Variants in GNL3 observed in about 807,000 individuals in gnomAD.
GNL3 encodes G protein nucleolar 3.
In GNL3, 77 loss-of-function variants were observed where a neutral mutation model predicts 70.6. The observed-to-expected ratio is 1.09, with a 90% CI of 0.91 to 1.32. The LOEUF is 1.32. Ranked by LOEUF, GNL3 falls within the 40% of genes most tolerant of loss-of-function variation. The pLI, the probability that GNL3 is intolerant of heterozygous loss-of-function variation, is 0.00. For synonymous variants in GNL3, 252 were observed against 216.1 expected, an observed-to-expected ratio of 1.17 and a Z score of -1.46; for missense variants, 634 against 644.0, an observed-to-expected ratio of 0.98 and a Z score of 0.17.
chr3:52,693,387 A>C (rs1278285313), intron 11 of GNL3, 21 bp from the exon 12 acceptor site: 1 of 1,613,994 alleles, frequency 6.2e-7, no homozygotes, highest in Non-Finnish European at 8.5e-7. Flanking sequence ...TTCTTTTGAC[A>C]CATCTTATTT....
In GNL3 at chr3:52,692,814, T is replaced by C. The variant is rs759728585; in HGVS notation, c.870-58T>C. 4.5e-6 allele frequency: 6 copies of C among 1,343,690 alleles called. No individual in the cohort carries two copies. The South Asian group carries it at 5.8e-5, about 13-fold the overall frequency. The allele number at this position is 1,343,690 out of a possible 1,614,324, so 83.2% of individuals were successfully genotyped here. ...CAATCCAACCCTGAGCTTCATGTTC[T>C]GTCTCTTAACCTCCAAATAGACCAA... On this transcript the variant is annotated intron_variant, in intron 9 of 14. Coordinates refer to ENST00000418458, the MANE Select transcript of GNL3 (RefSeq NM_014366.5).
At chr3:52,688,234 T>C (rs768492958) in intron 5 of GNL3, 42 bp downstream of exon 5, 2 of 1,154,276 alleles carry the variant, frequency 1.7e-6, no homozygotes, top group South Asian at 2.5e-5. Context: ...GTAATGAGGT[T>C]TAAAAGACTC....
At chr3:52,687,966 T>G (rs1424496657) in intron 4 of GNL3, 143 bp from the exon 5 acceptor site, 6 of 665,268 alleles carry the variant, frequency 9.0e-6, no homozygotes, top group African/African-American at 3.6e-5. Context: ...CTGCTGAGCT[T>G]CTTGGGAGGA....
At chr3:52,686,026 G>C (rs1016255755), upstream of GNL3, 33 of 821,530 alleles carry the variant, frequency 4.0e-5, no homozygotes, top group Non-Finnish European at 3.5e-5. Context: ...GCTCGTCAGT[G>C]GCTTCAGTTC....
chr3:52,688,530 G>T (rs920130013), intron 5 of GNL3, among the ~76,000 whole-genome samples: 1 of 152,056 alleles, frequency 6.6e-6, no homozygotes, highest in East Asian at 1.9e-4. Context: ...AACTGGTTCT[G>T]CCTGTAAGCA....
In GNL3 at chr3:52,688,284, T is replaced by C. The variant is rs1255772244; in HGVS notation, c.408+92T>C. The C allele has an allele frequency of 2.6e-5, 19 of 740,778 alleles. 1 individual carries two copies. Among genetic ancestry groups the C allele is most frequent in the South Asian group, 1.2e-4 (8 of 66,988 alleles). The allele number at this position is 740,778 out of a possible 1,614,324, so 45.9% of individuals were successfully genotyped here. A position where few individuals can be genotyped will look rare whatever the true frequency, so the allele number is the denominator to read the frequency against. ...TTAACCTTTTAAGATGAAGGGTGCATGTGCAGGTTTGTTATATGGGTAAAC... is the reference window on the plus strand; with the variant it reads ...TTAACCTTTTAAGATGAAGGGTGCACGTGCAGGTTTGTTATATGGGTAAAC... On this transcript the variant is annotated intron_variant, in intron 5 of 14. Transcript: ENST00000418458.
chr3:52,686,249 T>TAG (rs1179530880), intron 1 of GNL3, 144 bp downstream of exon 1: 9 of 821,988 alleles, frequency 1.1e-5, no homozygotes, highest in Non-Finnish European at 1.6e-5. Flanking sequence ...TATTTCCTGG[T>TAG]AGAACCGAGA....
chr3:52,685,938 C>T (rs934293626), upstream of GNL3: 1 of 708,416 alleles, frequency 1.4e-6, no homozygotes, highest in Non-Finnish European at 2.6e-6. Flanking sequence ...CAAGCGATCC[C>T]TGCTCCGCGC....
Position 52,693,417 on chromosome 3 carries a change from A to G in GNL3, c.1197A>G (p.Leu399=), listed in dbSNP as rs746613378. The G allele has an allele frequency of 7.6e-5, 122 of 1,613,998 alleles. No individual in the cohort carries two copies. Among genetic ancestry groups the G allele is most frequent in the Non-Finnish European group, 7.6e-5 (90 of 1,179,962 alleles). Residue 399 remains leucine, a synonymous_variant, in exon 12 of 15, where the codon TTA becomes TTG. Transcript: ENST00000418458. Reference sequence around the variant, plus strand: ...TTATTTTTAATATCAGTGCCTCATTAGCTTACTATTGCCATCCCCCTACAT... The same window carrying G: ...TTATTTTTAATATCAGTGCCTCATTGGCTTACTATTGCCATCCCCCTACAT... The part of the protein sequence containing the change: ...LLWSEWTGAS[L]AYYCHPPTSW...
At chr3:52,687,925 T>A in intron 4 of GNL3, 184 bp from the exon 5 acceptor site, 1 of 607,654 alleles carries the variant, frequency 1.6e-6, no homozygotes, top group Non-Finnish European at 2.9e-6. Flanking sequence ...AGAGATGAGT[T>A]CTGATGCAGA....
At chr3:52,689,874 C>G (rs1029330930) in intron 6 of GNL3, among the ~76,000 whole-genome samples, 1 of 152,130 alleles carries the variant, frequency 6.6e-6, no homozygotes, top group African/African-American at 2.4e-5. Flanking sequence ...ATTGCTTGAA[C>G]CCGGGAGGCG....
chr3:52,689,186 T>G lies in GNL3; in HGVS notation c.521T>G (p.Val174Gly). The G allele has an allele frequency of 6.2e-7, 1 of 1,613,546 alleles. No homozygotes were observed. Among genetic ancestry groups the G allele is most frequent in the Non-Finnish European group, 8.5e-7 (1 of 1,179,440 alleles). ...AIVQSGQKKL[V>G]LILNKSDLVP... ...GTCCAGAGTGGACAGAAAAAGCTGG[T>G]ACTTATATTAAATAAATCAGGTGAG... is the stretch of plus-strand genomic sequence containing the variant. The change falls in exon 6 of 15, where the codon GTA becomes GGA. Residue 174 changes from valine (V) to glycine (G), a missense_variant. Physicochemically the swap from Val to Gly is moderately radical, Grantham distance 109. Transcript: ENST00000418458.
At chr3:52,689,758 G>A (rs1444815037) in intron 6 of GNL3, among the ~76,000 whole-genome samples, 1 of 152,148 alleles carries the variant, frequency 6.6e-6, no homozygotes. Flanking sequence ...TTCGAGAAAA[G>A]CCTGGCCAAC....
At chr3:52,691,142 G>A (rs1243270464) in intron 8 of GNL3, 71 bp downstream of exon 8, 2 of 1,372,816 alleles carry the variant, frequency 1.5e-6, no homozygotes, top group South Asian at 2.4e-5. Flanking sequence ...AGCTCTCCAA[G>A]TGCCCAAGCA....
In GNL3 at chr3:52,693,301, G is replaced by A; in HGVS notation, c.1159G>A (p.Ala387Thr). The A allele has an allele frequency of 3.1e-6, 5 of 1,614,184 alleles. No individual in the cohort carries two copies. Among genetic ancestry groups the A allele is most frequent in the Non-Finnish European group, 4.2e-6 (5 of 1,180,020 alleles). Residue 387 changes from alanine to threonine, a missense_variant, in exon 11 of 15, where the codon GCC becomes ACC. Ala to Thr is a moderately conservative substitution (Grantham distance 58). Transcript: ENST00000418458. ...TGGAATCCCAAATGTTGAAGGTGCT[G>A]CCAAACTGCTGTGGTCTGAGTGGAC... ...KGGIPNVEGA[A>T]KLLWSEWTGA...
upstream of GNL3, chr3:52,685,995 G>T: frequency 1.3e-6 from 1 of 773,156 alleles, no homozygotes; most frequent in Non-Finnish European, 2.4e-6. Flanking sequence ...GCACTTTACG[G>T]CGGCAGCGTA....
Position 52,687,262 on chromosome 3 carries a change from G to A in GNL3, c.89G>A (p.Arg30Gln), listed in dbSNP as rs377213080. The A allele has an allele frequency of 2.2e-5, 35 of 1,612,260 alleles. No individual in the cohort carries two copies. The highest frequency in any genetic ancestry group is 2.7e-5 in the African/African-American group (2 of 74,864). The change falls in exon 3 of 15, where the codon CGA becomes CAA. Residue 30 changes from arginine (R) to glutamine (Q), a missense_variant. By Grantham distance (43) the Arg-to-Gln change is conservative. Transcript: ENST00000418458. ...KIQKKVREHH[R>Q]KLRKEAKKRG... ...TTTTAATAGGTTCGAGAACATCATC[G>A]AAAATTAAGAAAGGAGGCTAAAAAG...
chr3:52,693,842 A>C, intron 13 of GNL3, 35 bp downstream of exon 13: 1 of 1,554,050 alleles, frequency 6.4e-7, no homozygotes, highest in South Asian at 1.1e-5. Flanking sequence ...AACTGAAGTG[A>C]GTTTTCTAGC....
chr3:52,687,031 A>G, intron 2 of GNL3: 1 of 630,436 alleles, frequency 1.6e-6, no homozygotes, highest in Non-Finnish European at 2.8e-6. Flanking sequence ...AAATTTGTTC[A>G]GCATGTTAAT....
Sources: allele counts gnomAD v4.1 joint callset (sites outside exome capture counted in the v4.1 genomes callset), GRCh38; gene constraint gnomAD v4.1.1; transcripts MANE v1.5; gene names NCBI Gene and HGNC (gene_info 2026-07-23, HGNC 2026-07-21).